The following NDE1 variants were observed in gnomAD, a reference collection of about 807,000 sequenced individuals.
NDE1 encodes the protein nudE neurodevelopment protein 1.
NDE1 carries 28 observed loss-of-function variants against 43.4 expected under a neutral mutation model. The ratio of observed to expected loss-of-function variants is 0.65; its 90% CI spans 0.48 to 0.89. The LOEUF is 0.89. Among genes scored for constraint, NDE1 ranks in the 40% least tolerant of loss-of-function variants. The pLI, the probability that NDE1 is intolerant of heterozygous loss-of-function variation, is 0.00. For missense variants in NDE1, 441 were observed against 434.1 expected (o/e 1.02, Z -0.14); for synonymous variants, 184 against 172.0 (o/e 1.07, Z -0.55).
At position 15,694,315 on chromosome 16, in the gene NDE1, AGG is replaced by A. The variant is rs746305473; in HGVS notation, c.795+63_795+64del. The stretch of plus-strand genomic sequence containing the variant: ...CCTGCCTGTCTTTCAGGATGTGTGA[AGG>A]GGGTTGATCTAGTTCCTTCCCTCTC... On this transcript the variant is annotated intron_variant, in intron 7 of 8. Transcript: ENST00000396354. 16 of 1,592,196 alleles carry A rather than the reference AGG, an allele frequency of 1.0e-5. 1 individual carries two copies. In the South Asian group the frequency reaches 1.8e-4, roughly 18 times the overall value.
chr16:15,695,000 C>CAGCCACCG, intron 7 of NDE1: 2 of 783,138 alleles, frequency 2.6e-6, no homozygotes, highest in Admixed American at 1.3e-4. Flanking sequence ...GTGAAACCCC[C>CAGCCACCG]TGCCCCGACT....
chr16:15,678,465 AG>A (rs1389557592), intron 4 of NDE1, among the ~76,000 whole-genome samples: 3 of 152,110 alleles, frequency 2.0e-5, no homozygotes, highest in African/African-American at 7.2e-5. Flanking sequence ...CCTGGATTCA[AG>A]CAATTCTCAT....
chr16:15,702,590 A>T (rs867889107), intron 8 of NDE1, among the ~76,000 whole-genome samples: 2,031 of 111,724 alleles, frequency 0.018, 18 homozygotes, highest in Admixed American at 0.031. Flanking sequence ...CCTTTTTTTT[A>T]TAGAGACGGG....
At chr16:15,692,366 G>T (rs752148628) in intron 6 of NDE1, among the ~76,000 whole-genome samples, 1 of 152,182 alleles carries the variant, frequency 6.6e-6, no homozygotes, top group South Asian at 2.1e-4. Context: ...TGTCCCCTGG[G>T]CATGAAGAGA....
chr16:15,689,938 CAAAA>C (rs34081814), intron 5 of NDE1, among the ~76,000 whole-genome samples: 12 of 95,068 alleles, frequency 1.3e-4, no homozygotes, highest in African/African-American at 2.8e-4. Context: ...AACTCCATCT[CAAAA>C]AAAAAAAAAA....
chr16:15,719,374 T>A, intron 8 of NDE1: 1 of 1,558,692 alleles, frequency 6.4e-7, no homozygotes. Flanking sequence ...GAGTCCACCC[T>A]GACAACTCAG....
chr16:15,699,739 C>A (rs533786831), intron 8 of NDE1: 2 of 1,350,954 alleles, frequency 1.5e-6, no homozygotes, highest in Non-Finnish European at 9.8e-7. Flanking sequence ...GTTGGGGAAG[C>A]GCCTGGAATT....
Position 15,691,278 on chromosome 16 carries a change from C to A in NDE1, c.658C>A (p.Arg220=), listed in dbSNP as rs576928842. The change falls in exon 6 of 9, where the codon CGA becomes AGA. Residue 220 remains arginine, a synonymous_variant. Transcript: ENST00000396354. Reference sequence around the variant, plus strand: ...CGTGCCGTCCACGCCCATTGCTCACCGAGGACCCAGCTCAAGTTTAAACAC... The same window carrying A: ...CGTGCCGTCCACGCCCATTGCTCACAGAGGACCCAGCTCAAGTTTAAACAC... ...GSVPSTPIAH[R]GPSSSLNTPG... The A allele has an allele frequency of 1.2e-6, 2 of 1,613,990 alleles. No individual in the cohort carries two copies. The highest frequency in any genetic ancestry group is 1.7e-6 in the Non-Finnish European group (2 of 1,180,018).
chr16:15,690,317 C>G (rs1343293330), intron 5 of NDE1, among the ~76,000 whole-genome samples: 1 of 127,314 alleles, frequency 7.9e-6, no homozygotes, highest in Non-Finnish European at 1.6e-5. Context: ...GGATTATAGG[C>G]TTGAGCCAGT....
At chr16:15,721,523 C>T in intron 8 of NDE1, 1 of 1,614,214 alleles carries the variant, frequency 6.2e-7, no homozygotes, top group African/African-American at 1.3e-5. Flanking sequence ...AAGGCCTCTT[C>T]AAGGGCCCGA....
At chr16:15,659,748 C>CTTTTT (rs36112475) in intron 1 of NDE1, among the ~76,000 whole-genome samples, 1 of 98,970 alleles carries the variant, frequency 1.0e-5, no homozygotes. Context: ...TGGACACAAT[C>CTTTTT]TTTTTTTTTT....
chr16:15,725,495 A>G lies in NDE1; in HGVS notation c.*1244A>G, dbSNP rs1188524704. ...GGCCAAAGCCAGAGACGCAGGCCCT[A>G]AAGGTAAAAACGTCCTCTCTGTATT... On this transcript the variant is annotated 3_prime_UTR_variant, in exon 9 of 9. Transcript: ENST00000396354. 6 of 428,130 alleles carry G rather than the reference A, an allele frequency of 1.4e-5. No homozygotes were observed. Among genetic ancestry groups the G allele is most frequent in the Non-Finnish European group, 2.5e-5 (6 of 243,638 alleles). The allele number at this position is 428,130 out of a possible 1,614,324, so 26.5% of individuals were successfully genotyped here.
rs2151117269 is a variant in NDE1 at position 15,690,739 on chromosome 16, T to C, written c.524-405T>C. On this transcript the variant is annotated intron_variant, in intron 5 of 8. Transcript: ENST00000396354. ...TGGAGTGTTTCACCCCAGTAGGTCT[T>C]TTTTCTGACTGGTATCTACTGTTGA... Among the ~76,000 whole-genome samples, 3 of 152,200 alleles carry C rather than the reference T, an allele frequency of 2.0e-5. No individual in the cohort carries two copies. In the Middle Eastern group the frequency reaches 0.01, roughly 518 times the overall value.
At position 15,650,280 on chromosome 16, in the gene NDE1, G is replaced by A. The variant is rs1016826659; in HGVS notation, c.-58G>A. On this transcript the variant is annotated 5_prime_UTR_variant, in exon 1 of 9. Coordinates refer to ENST00000396354, the MANE Select transcript of NDE1 (RefSeq NM_017668.3). Reference sequence around the variant, plus strand: ...CTGCCGCCGCCGCCGCGTTGGCCTCGCCGCCCCTGCTCGGGTAAGTGAGGC... The same window carrying A: ...CTGCCGCCGCCGCCGCGTTGGCCTCACCGCCCCTGCTCGGGTAAGTGAGGC... 3 of 313,784 alleles carry A rather than the reference G, an allele frequency of 9.6e-6. No homozygotes were observed. Among genetic ancestry groups the A allele is most frequent in the Non-Finnish European group, 1.3e-5 (2 of 152,180 alleles). 19.4% of individuals were successfully genotyped at this position (313,784 alleles called of 1,614,324 possible).
chr16:15,708,733 A>C, intron 8 of NDE1: 1 of 1,495,700 alleles, frequency 6.7e-7, no homozygotes, highest in Non-Finnish European at 9.2e-7. Context: ...GGGTGGGCAG[A>C]GGGGCGCATT....
intron 1 of NDE1, among the ~76,000 whole-genome samples, chr16:15,662,021 ATTCC>A (rs1440310485): frequency 6.6e-6 from 1 of 151,250 alleles, no homozygotes; most frequent in African/African-American, 2.4e-5. Flanking sequence ...GCAGCCTCAA[ATTCC>A]TGGACTCATG....
intron 8 of NDE1, among the ~76,000 whole-genome samples, chr16:15,722,970 C>T (rs1315375110): frequency 6.6e-6 from 1 of 152,146 alleles, no homozygotes; most frequent in African/African-American, 2.4e-5. Context: ...TCTCAAACCC[C>T]TGACCTCAAG....
intron 8 of NDE1, among the ~76,000 whole-genome samples, chr16:15,723,342 T>C (rs1401680924): frequency 6.6e-6 from 1 of 152,108 alleles, no homozygotes; most frequent in Non-Finnish European, 1.5e-5. Context: ...TAGATAGAAT[T>C]AGTCTTTATA....
intron 8 of NDE1, chr16:15,718,873 A>G: frequency 2.4e-6 from 1 of 413,502 alleles, no homozygotes; most frequent in Non-Finnish European, 4.5e-6. Flanking sequence ...CACACCTGTA[A>G]TCACAGCACT....
Sources: gnomAD v4.1 joint callset for allele counts (sites outside exome capture counted in the v4.1 genomes callset) on GRCh38, gnomAD v4.1.1 for gene constraint, MANE v1.5 for transcripts, NCBI Gene and HGNC (gene_info 2026-07-23, HGNC 2026-07-21) for gene names.